Variants in ERC2 observed in about 807,000 individuals in gnomAD.
ERC2 encodes ERC protein 2.
ERC2 carries 42 observed loss-of-function variants against 114.8 expected under a neutral mutation model. The ratio of observed to expected loss-of-function variants is 0.37; its 90% CI spans 0.29 to 0.47. The LOEUF is 0.47. Ranked by LOEUF, ERC2 falls within the 20% of genes least tolerant of loss-of-function variation. The probability of loss-of-function intolerance (pLI) is 0.99; values close to 1 mark genes in which losing one functional copy is unlikely to be tolerated. For missense variants in ERC2, 939 were observed against 1,150.7 expected (o/e 0.82, Z 2.66); for synonymous variants, 454 against 425.5 (o/e 1.07, Z -0.82).
chr3:55,583,884 G>A (rs1050649276), intron 17 of ERC2, among the ~76,000 whole-genome samples: 2 of 16,190 alleles, frequency 1.2e-4, no homozygotes, highest in Non-Finnish European at 1.3e-3. Flanking sequence ...ATGCCAACTT[G>A]CTAGCCCCCC....
At chr3:56,389,966 A>G (rs1357341374) in intron 2 of ERC2, among the ~76,000 whole-genome samples, 1 of 152,186 alleles carries the variant, frequency 6.6e-6, no homozygotes, top group African/African-American at 2.4e-5. Flanking sequence ...CTGACTGTGA[A>G]AGGGAGCCTT....
At chr3:56,079,370 C>A (rs985837428) in intron 7 of ERC2, among the ~76,000 whole-genome samples, 2 of 152,090 alleles carry the variant, frequency 1.3e-5, no homozygotes, top group South Asian at 4.2e-4. Flanking sequence ...ATGGGCAGCA[C>A]GGGTTCAGAA....
intron 17 of ERC2, among the ~76,000 whole-genome samples, chr3:55,653,306 T>C (rs1316244583): frequency 6.6e-6 from 1 of 152,204 alleles, no homozygotes; most frequent in Non-Finnish European, 1.5e-5. Flanking sequence ...TTCTATTGCA[T>C]TCAACAGGTA....
rs142850000 is a variant in ERC2, at chr3:56,216,419, T to C, written c.1075-42899A>G. ...AGAAATGGATAAATTCCTCGACACA[T>C]ACACCCTTCCGAGACCAAACCAGGA... On this transcript the variant is annotated intron_variant, in intron 3 of 17. Transcript: ENST00000288221. Among the ~76,000 whole-genome samples the C allele has an allele frequency of 2.6e-3, 392 of 152,224 alleles. 1 individual carries two copies. The highest frequency in any genetic ancestry group is 0.018 in the South Asian group (86 of 4,818).
intron 2 of ERC2, among the ~76,000 whole-genome samples, chr3:56,355,316 T>G (rs2058704808): frequency 6.8e-6 from 1 of 147,132 alleles, no homozygotes; most frequent in Non-Finnish European, 1.5e-5. Context: ...TTTCTTTTTC[T>G]TTTTTCTTTC....
intron 13 of ERC2, among the ~76,000 whole-genome samples, chr3:55,920,143 A>G (rs1037811075): frequency 2.0e-5 from 3 of 152,136 alleles, no homozygotes; most frequent in Non-Finnish European, 2.9e-5. Context: ...AGAAAAATGG[A>G]GATACATGGA....
chr3:56,033,080 G>GAAAGAAAGAAAGAAAGAA (rs1438673324), intron 7 of ERC2, among the ~76,000 whole-genome samples: 11 of 125,832 alleles, frequency 8.7e-5, no homozygotes, highest in African/African-American at 2.8e-4. Flanking sequence ...AAGAAAGAAA[G>GAAAGAAAGAAAGAAAGAA]AAAGAAAAGT....
At chr3:56,187,703 T>C (rs1388810249) in intron 3 of ERC2, among the ~76,000 whole-genome samples, 3 of 152,136 alleles carry the variant, frequency 2.0e-5, no homozygotes, top group Non-Finnish European at 1.5e-5. Flanking sequence ...AGTTAAAAAT[T>C]GTAAATGTAT....
chr3:56,133,929 T>C (rs2080348949), intron 6 of ERC2, among the ~76,000 whole-genome samples: 1 of 152,328 alleles, frequency 6.6e-6, no homozygotes, highest in South Asian at 2.1e-4. Context: ...CTGTGTGACA[T>C]ACCACCAGCT....
intron 14 of ERC2, among the ~76,000 whole-genome samples, chr3:55,742,915 A>G (rs1278673597): frequency 2.6e-5 from 4 of 152,234 alleles, no homozygotes; most frequent in African/African-American, 9.6e-5. Context: ...AGAAGGGGCC[A>G]TGCAGAAAGC....
At chr3:56,170,851 G>A (rs1008819818) in intron 4 of ERC2, among the ~76,000 whole-genome samples, 1 of 147,868 alleles carries the variant, frequency 6.8e-6, no homozygotes, top group Non-Finnish European at 1.5e-5. Context: ...TGCAAGCTCC[G>A]CCTCCTGGGT....
chr3:55,554,930 G>A (rs1481737775), intron 17 of ERC2, among the ~76,000 whole-genome samples: 1 of 152,026 alleles, frequency 6.6e-6, no homozygotes, highest in East Asian at 1.9e-4. Flanking sequence ...GGAAGGAGGG[G>A]GCCTTGGGCT....
At chr3:56,104,180 C>G (rs751489010) in intron 6 of ERC2, among the ~76,000 whole-genome samples, 1 of 146,324 alleles carries the variant, frequency 6.8e-6, no homozygotes, top group Non-Finnish European at 1.5e-5. Flanking sequence ...CAAATCTTTG[C>G]CCAGAAAAAA....
intron 13 of ERC2, among the ~76,000 whole-genome samples, chr3:55,889,490 C>T (rs2063508074): frequency 6.6e-6 from 1 of 152,180 alleles, no homozygotes; most frequent in Non-Finnish European, 1.5e-5. Flanking sequence ...CCACGGTTTT[C>T]AGCCAGGTCC....
chr3:55,854,026 G>A (rs1473931127), intron 14 of ERC2, among the ~76,000 whole-genome samples: 1 of 152,204 alleles, frequency 6.6e-6, no homozygotes, highest in Non-Finnish European at 1.5e-5. Flanking sequence ...TGTAATCCCA[G>A]CACTTTGGGA....
intron 3 of ERC2, among the ~76,000 whole-genome samples, chr3:56,211,998 G>A (rs1315875862): frequency 6.6e-6 from 1 of 152,046 alleles, no homozygotes; most frequent in African/African-American, 2.4e-5. Flanking sequence ...CATTCTAGAA[G>A]ATAACATTGG....
At chr3:56,032,901 CAGAAAGAAAGAAAGAAAGAAAGAA>C (rs200940238) in intron 7 of ERC2, among the ~76,000 whole-genome samples, 4 of 36,922 alleles carry the variant, frequency 1.1e-4, no homozygotes, top group African/African-American at 2.5e-4. Flanking sequence ...GAGAGAGAGA[CAGAAAGAAAGAAAGAAAGAAAGAA>C]AGAAAGAAAG....
intron 15 of ERC2, among the ~76,000 whole-genome samples, chr3:55,732,673 C>CCTCA (rs1559565035): frequency 1.6e-4 from 24 of 152,326 alleles, no homozygotes; most frequent in Admixed American, 1.0e-3. Context: ...AGCAAAGTAT[C>CCTCA]TAAGAGAAAG....
intron 2 of ERC2, among the ~76,000 whole-genome samples, chr3:56,329,267 T>G (rs2057500119): frequency 2.6e-5 from 4 of 152,358 alleles, no homozygotes; most frequent in Middle Eastern, 6.8e-3. Flanking sequence ...TCCCTTCTTC[T>G]GTCCAATCTA....
Sources: gnomAD v4.1 joint callset for allele counts (sites outside exome capture counted in the v4.1 genomes callset) on GRCh38, gnomAD v4.1.1 for gene constraint, MANE v1.5 for transcripts, NCBI Gene and HGNC (gene_info 2026-07-23, HGNC 2026-07-21) for gene names.